The following ZBTB20 variants were observed in gnomAD, a reference collection of about 807,000 sequenced individuals.
ZBTB20 encodes the protein zinc finger and BTB domain-containing protein 20.
Under a neutral mutation model 56.9 loss-of-function variants are expected in ZBTB20, and 9 were observed. That is an observed-to-expected ratio of 0.16 (90% CI 0.10 to 0.28). The LOEUF is 0.28. ZBTB20 is among the 10% of genes least tolerant of loss of function. The probability of loss-of-function intolerance (pLI) is 1.00; values close to 1 mark genes in which losing one functional copy is unlikely to be tolerated. For missense variants in ZBTB20, 655 were observed against 1,003.0 expected, an observed-to-expected ratio of 0.65 and a Z score of 4.69; for synonymous variants, 417 against 420.7, an observed-to-expected ratio of 0.99 and a Z score of 0.11.
At chr3:114,672,639 T>C (rs2108180196) in intron 6 of ZBTB20, among the ~76,000 whole-genome samples, 1 of 152,278 alleles carries the variant, frequency 6.6e-6, no homozygotes, top group East Asian at 1.9e-4. Flanking sequence ...CTAACTGTTC[T>C]CTCCTTTCCT....
intron 1 of ZBTB20, among the ~76,000 whole-genome samples, chr3:115,109,765 G>A (rs1294464561): frequency 6.6e-6 from 1 of 152,074 alleles, no homozygotes. Context: ...GATAATTTCA[G>A]AACTTAAAAT....
At chr3:114,710,871 T>C (rs1013595526) in intron 5 of ZBTB20, among the ~76,000 whole-genome samples, 1 of 152,212 alleles carries the variant, frequency 6.6e-6, no homozygotes, top group African/African-American at 2.4e-5. Flanking sequence ...CTGTGTGAGC[T>C]GGTCCCTACT....
intron 2 of ZBTB20, among the ~76,000 whole-genome samples, chr3:115,059,247 C>G (rs749074339): frequency 6.6e-6 from 1 of 152,084 alleles, no homozygotes; most frequent in Non-Finnish European, 1.5e-5. Flanking sequence ...TGTCATTCAT[C>G]ATAAACTTTT....
At chr3:114,613,672 C>G (rs2057718770) in intron 6 of ZBTB20, among the ~76,000 whole-genome samples, 1 of 152,040 alleles carries the variant, frequency 6.6e-6, no homozygotes, top group Non-Finnish European at 1.5e-5. Context: ...CTTATATGTT[C>G]TCTGCTTGGG....
At chr3:115,038,664 T>C (rs1239844956) in intron 2 of ZBTB20, among the ~76,000 whole-genome samples, 1 of 152,102 alleles carries the variant, frequency 6.6e-6, no homozygotes, top group Non-Finnish European at 1.5e-5. Flanking sequence ...ATGTAAACAA[T>C]GCATCCAACA....
At chr3:114,384,889 T>C (rs1277216173) in intron 8 of ZBTB20, among the ~76,000 whole-genome samples, 2 of 152,226 alleles carry the variant, frequency 1.3e-5, no homozygotes, top group Non-Finnish European at 2.9e-5. Context: ...ATTTGATGTA[T>C]ATATTTCACA....
chr3:114,551,892 T>C (rs1329401815), intron 6 of ZBTB20, among the ~76,000 whole-genome samples: 2 of 152,212 alleles, frequency 1.3e-5, no homozygotes, highest in African/African-American at 4.8e-5. Context: ...AGAACACTTT[T>C]ATTTCTATAA....
intron 7 of ZBTB20, among the ~76,000 whole-genome samples, chr3:114,467,327 G>A (rs1455954984): frequency 6.6e-6 from 1 of 152,182 alleles, no homozygotes; most frequent in Non-Finnish European, 1.5e-5. Flanking sequence ...TTTCAAGAAT[G>A]CAGTGAGGAG....
chr3:115,103,721 C>T (rs112817043), intron 1 of ZBTB20, among the ~76,000 whole-genome samples: 2,982 of 152,226 alleles, frequency 0.02, 37 homozygotes, highest in South Asian at 0.032. Flanking sequence ...GGATCATAAA[C>T]CTAAATGTAA....
At chr3:114,862,116 T>C (rs949389819) in intron 4 of ZBTB20, among the ~76,000 whole-genome samples, 2 of 152,224 alleles carry the variant, frequency 1.3e-5, no homozygotes, top group East Asian at 3.9e-4. Flanking sequence ...AAAAAGTGTC[T>C]ATCATAATTT....
intron 7 of ZBTB20, among the ~76,000 whole-genome samples, chr3:114,473,010 C>T (rs1004100723): frequency 7.9e-5 from 12 of 152,302 alleles, no homozygotes; most frequent in Admixed American, 3.9e-4. Context: ...TTCTGAAATG[C>T]TTATATATAC....
At chr3:114,954,216 C>T (rs369186717) in intron 3 of ZBTB20, among the ~76,000 whole-genome samples, 1 of 151,910 alleles carries the variant, frequency 6.6e-6, no homozygotes, top group East Asian at 1.9e-4. Flanking sequence ...TTTTTAAACC[C>T]CATTTATCAA....
intron 1 of ZBTB20, among the ~76,000 whole-genome samples, chr3:115,109,620 T>C (rs2083818425): frequency 6.6e-6 from 1 of 151,950 alleles, no homozygotes; most frequent in African/African-American, 2.4e-5. Flanking sequence ...TCTATCCAAA[T>C]AGAATGTGTA....
At chr3:114,455,095 G>GGA (rs1041826728) in intron 7 of ZBTB20, among the ~76,000 whole-genome samples, 1 of 149,246 alleles carries the variant, frequency 6.7e-6, no homozygotes, top group African/African-American at 2.5e-5. Context: ...GAGGAGAGAC[G>GGA]GAGAGAGAGA....
At chr3:115,013,194 G>T (rs2108269447) in intron 2 of ZBTB20, among the ~76,000 whole-genome samples, 1 of 151,378 alleles carries the variant, frequency 6.6e-6, no homozygotes, top group South Asian at 2.1e-4. Flanking sequence ...AAAATTAGTG[G>T]AAGAAAATAA....
chr3:114,736,663 G>A (rs2066183288), intron 5 of ZBTB20, among the ~76,000 whole-genome samples: 1 of 152,088 alleles, frequency 6.6e-6, no homozygotes, highest in Non-Finnish European at 1.5e-5. Flanking sequence ...TGGGCATAAA[G>A]GGATGTTATT....
intron 6 of ZBTB20, chr3:114,688,181 G>T (rs151334730): frequency 6.6e-6 from 1 of 152,098 alleles, no homozygotes; most frequent in Non-Finnish European, 1.5e-5. Flanking sequence ...AGTGAGCCAA[G>T]ATTGCACCAC....
At chr3:114,953,678 T>A (rs1262064917) in intron 3 of ZBTB20, among the ~76,000 whole-genome samples, 1 of 151,980 alleles carries the variant, frequency 6.6e-6, no homozygotes, top group Non-Finnish European at 1.5e-5. Flanking sequence ...TAAATCTGTA[T>A]GCCCTAACAA....
intron 4 of ZBTB20, among the ~76,000 whole-genome samples, chr3:114,808,846 A>G (rs1207334582): frequency 6.6e-6 from 1 of 152,134 alleles, no homozygotes; most frequent in East Asian, 1.9e-4. Flanking sequence ...GATTTCCTTC[A>G]GTATTTCTGG....
Sources: gnomAD v4.1 joint callset for allele counts (sites outside exome capture counted in the v4.1 genomes callset) on GRCh38, gnomAD v4.1.1 for gene constraint, MANE v1.5 for transcripts, NCBI Gene and HGNC (gene_info 2026-07-23, HGNC 2026-07-21) for gene names.